Variants in KMO observed in about 807,000 individuals in gnomAD.
KMO encodes the protein kynurenine 3-hydroxylase.
Under a neutral mutation model 57.8 loss-of-function variants are expected in KMO, and 24 were observed. The observed-to-expected ratio is 0.42, with a 90% CI of 0.30 to 0.58. The LOEUF is 0.58. Ranked by LOEUF, KMO falls within the 20% of genes least tolerant of loss-of-function variation. The pLI, the probability that KMO is intolerant of heterozygous loss-of-function variation, is 0.22. For missense variants in KMO, 483 were observed against 588.2 expected (o/e 0.82, Z 1.85); for synonymous variants, 210 against 193.6 (o/e 1.08, Z -0.70).
intron 3 of KMO, among the ~76,000 whole-genome samples, chr1:241,550,751 T>C (rs912975277): frequency 3.9e-5 from 6 of 152,142 alleles, no homozygotes; most frequent in African/African-American, 1.4e-4. Context: ...GGTTCTAAGA[T>C]CTAAGATTAA....
intron 10 of KMO, among the ~76,000 whole-genome samples, chr1:241,586,191 C>CTTTTT (rs386370217): frequency 1.0e-3 from 80 of 80,074 alleles, no homozygotes; most frequent in Non-Finnish European, 1.3e-3. Flanking sequence ...AGTCTATGGT[C>CTTTTT]TTTTTTTTTT....
rs1663005806 is a variant in KMO, at chr1:241,586,730, G to A, written c.1009G>A (p.Asp337Asn). The change falls in exon 11 of 15, where the codon GAC becomes AAC. Residue 337 changes from aspartate (D) to asparagine (N), a missense_variant. Asp to Asn is a conservative substitution (Grantham distance 23, BLOSUM62 1). Around this residue, in one of 3 missense-constraint regions of KMO, gnomAD observed 410 missense variants for 492.3 expected, o/e 0.83. Coordinates refer to ENST00000366559, the MANE Select transcript of KMO (RefSeq NM_003679.5). ...TGAGTTAATGGATAAATTCAGTAACGACCTTAGTAAGTAAGGTCAATTTCT... is the reference window on the plus strand; with the variant it reads ...TGAGTTAATGGATAAATTCAGTAACAACCTTAGTAAGTAAGGTCAATTTCT... ...FDELMDKFSN[D>N]LSLCLPVFSR... 8.1e-6 allele frequency: 13 copies of A among 1,602,754 alleles called. No individual in the cohort carries two copies. The highest frequency in any genetic ancestry group is 3.3e-4 in the Middle Eastern group (2 of 6,026).
At chr1:241,554,929 C>T (rs1480425095) in intron 4 of KMO, among the ~76,000 whole-genome samples, 1 of 151,578 alleles carries the variant, frequency 6.6e-6, no homozygotes, top group Non-Finnish European at 1.5e-5. Flanking sequence ...TTGCAGTGAG[C>T]TGAGATCTCA....
At chr1:241,586,877 G>T in intron 11 of KMO, 141 bp downstream of exon 11, 2 of 628,530 alleles carry the variant, frequency 3.2e-6, no homozygotes, top group South Asian at 4.5e-5. Flanking sequence ...TCTACTAATA[G>T]TCTATGCCAC....
At chr1:241,566,706 G>C (rs1229615612) in intron 9 of KMO, 94 bp downstream of exon 9, 7 of 1,312,450 alleles carry the variant, frequency 5.3e-6, no homozygotes, top group Non-Finnish European at 7.6e-6. Flanking sequence ...GGTTAAACAC[G>C]ATGGATCATG....
chr1:241,553,542 G>C (rs1661492071), intron 4 of KMO, among the ~76,000 whole-genome samples: 1 of 152,048 alleles, frequency 6.6e-6, no homozygotes, highest in Non-Finnish European at 1.5e-5. Flanking sequence ...TTAAAAATTA[G>C]CCGGGCATGG....
chr1:241,594,483 T>C lies in KMO; in HGVS notation c.*2330T>C. Reference sequence around the variant, plus strand: ...TTTGGACCCATTGGTTTTGTCGCTGTCGTCAACTGACAGTGATTCATCACT... The same window carrying C: ...TTTGGACCCATTGGTTTTGTCGCTGCCGTCAACTGACAGTGATTCATCACT... On this transcript the variant is annotated 3_prime_UTR_variant, in exon 15 of 15. Coordinates refer to ENST00000366559, the MANE Select transcript of KMO (RefSeq NM_003679.5). 1 of 1,614,122 alleles carries C rather than the reference T, an allele frequency of 6.2e-7. No individual in the cohort carries two copies. Among genetic ancestry groups the C allele is most frequent in the Non-Finnish European group, 8.5e-7 (1 of 1,179,984 alleles).
chr1:241,582,493 TA>T (rs1662790194), intron 10 of KMO, among the ~76,000 whole-genome samples: 2 of 152,186 alleles, frequency 1.3e-5, no homozygotes, highest in African/African-American at 4.8e-5. Flanking sequence ...ACTGTATTTT[TA>T]TATAGCCTGT....
chr1:241,594,595 T>C lies in KMO; in HGVS notation c.*2442T>C. On this transcript the variant is annotated 3_prime_UTR_variant, in exon 15 of 15. Transcript: ENST00000366559. ...TCTTTCTGTGACATCACAATGGGTC[T>C]GATCTGCATTTCACTTCCAGCTGCT... The C allele has an allele frequency of 6.2e-7, 1 of 1,614,148 alleles. No individual in the cohort carries two copies. Among genetic ancestry groups the C allele is most frequent in the Non-Finnish European group, 8.5e-7 (1 of 1,180,004 alleles).
chr1:241,573,546 T>C (rs2147971859), intron 10 of KMO, among the ~76,000 whole-genome samples: 1 of 152,258 alleles, frequency 6.6e-6, no homozygotes, highest in African/African-American at 2.4e-5. Flanking sequence ...TTGCCTCAAT[T>C]TATGTTTTTG....
In KMO at chr1:241,585,095, G is replaced by A. The variant is rs556991758; in HGVS notation, c.958-1584G>A. Among the ~76,000 whole-genome samples, 40 of 152,116 alleles carry A rather than the reference G, an allele frequency of 2.6e-4. No homozygotes were observed. The South Asian group carries it at 7.7e-3, about 29-fold the overall frequency. ...ACAAAAAAAATTAGCTAGGTGTGGT[G>A]GTGGGTTCCTGTAGTCCCAACTACT... On this transcript the variant is annotated intron_variant, in intron 10 of 14. Transcript: ENST00000366559.
At chr1:241,564,869 G>T in intron 7 of KMO, 118 bp from the exon 8 acceptor site, 3 of 639,354 alleles carry the variant, frequency 4.7e-6, no homozygotes, top group South Asian at 1.9e-5. Flanking sequence ...ATAGATGTGC[G>T]TATCATCGTG....
Position 241,566,063 on chromosome 1 carries a change from G to A in KMO, c.688-428G>A, listed in dbSNP as rs536865338. On this transcript the variant is annotated intron_variant, in intron 8 of 14. Transcript: ENST00000366559. ...TTACTAAAAATACAAAAAATTAGCC[G>A]GGTGTGGTGGTGGGTGCCTGTAGTC... 3.3e-4 allele frequency among the ~76,000 whole-genome samples: 50 copies of A among 152,056 alleles called. 2 individuals carry two copies. The South Asian group carries it at 8.5e-3, about 26-fold the overall frequency.
chr1:241,579,491 T>A (rs184457629), intron 10 of KMO, among the ~76,000 whole-genome samples: 180 of 152,226 alleles, frequency 1.2e-3, no homozygotes, highest in African/African-American at 4.0e-3. Context: ...GACAACTGCC[T>A]CTGCTTCACT....
intron 11 of KMO, among the ~76,000 whole-genome samples, chr1:241,587,632 C>T (rs1399431541): frequency 2.6e-5 from 4 of 151,958 alleles, no homozygotes; most frequent in Admixed American, 6.6e-5. Context: ...TTAGTAGAGA[C>T]GGGGTTTCGT....
chr1:241,565,984 C>T (rs969118441), intron 8 of KMO, among the ~76,000 whole-genome samples: 4 of 152,142 alleles, frequency 2.6e-5, no homozygotes, highest in Non-Finnish European at 5.9e-5. Flanking sequence ...GTGGGTGGAT[C>T]ACCTGAGGTC....
chr1:241,555,696 G>GAGTAAAGCACATGACACTAATCTT, intron 5 of KMO, 36 bp downstream of exon 5: 1 of 1,269,704 alleles, frequency 7.9e-7, no homozygotes, highest in South Asian at 1.2e-5. Flanking sequence ...TTGTCATTTT[G>GAGTAAAGCACATGACACTAATCTT]AGTAAAGCAC....
At chr1:241,566,132 G>A (rs1050047862) in intron 8 of KMO, among the ~76,000 whole-genome samples, 8 of 152,306 alleles carry the variant, frequency 5.3e-5, no homozygotes, top group African/African-American at 1.9e-4. Context: ...CTTGAACCTG[G>A]GAGGCAGAGG....
intron 8 of KMO, among the ~76,000 whole-genome samples, chr1:241,566,060 G>T (rs1390198618): frequency 6.6e-6 from 1 of 151,968 alleles, no homozygotes; most frequent in Admixed American, 6.6e-5. Flanking sequence ...CAAAAAATTA[G>T]CCGGGTGTGG....
Sources: gnomAD v4.1 joint callset for allele counts (sites outside exome capture counted in the v4.1 genomes callset) on GRCh38, gnomAD v4.1.1 for gene constraint, gnomAD v4.1.1 regional missense constraint, MANE v1.5 for transcripts, NCBI Gene and HGNC (gene_info 2026-07-23, HGNC 2026-07-21) for gene names.